The following PTPRT variants were observed in gnomAD, a reference collection of about 807,000 sequenced individuals.
The protein encoded by PTPRT is protein tyrosine phosphatase receptor type T.
A neutral mutation model predicts 176.8 loss-of-function variants in PTPRT; 56 were observed. That is an observed-to-expected ratio of 0.32 (90% CI 0.26 to 0.40). PTPRT has a LOEUF of 0.40. Ranked by LOEUF, PTPRT falls within the 10% of genes least tolerant of loss-of-function variation. The pLI is 1.00. For synonymous variants in PTPRT, 783 were observed against 739.0 expected (o/e 1.06, Z -0.96); for missense variants, 1,540 against 1,908.2 (o/e 0.81, Z 3.60).
At chr20:42,332,419 C>A (rs1274014237) in intron 11 of PTPRT, among the ~76,000 whole-genome samples, 1 of 151,924 alleles carries the variant, frequency 6.6e-6, no homozygotes, top group African/African-American at 2.4e-5. Flanking sequence ...ACCGTGTTAG[C>A]CAGGATGGCC....
At chr20:43,129,329 C>G (rs1572925) in intron 1 of PTPRT, among the ~76,000 whole-genome samples, 49,356 of 152,080 alleles carry the variant, frequency 0.32, 8,889 homozygotes, top group East Asian at 0.79. Context: ...CACCAAGCCA[C>G]GAGGACAAGA....
rs572997630 is a variant in PTPRT, at chr20:42,273,155, G to A, written c.2176+9334C>T. On this transcript the variant is annotated intron_variant, in intron 13 of 30. Coordinates refer to ENST00000373187, the MANE Select transcript of PTPRT (RefSeq NM_007050.6). ...TCTTACAAGCCAGGTATTATATTAAGTACTTTCGATACATTTTCTCATGAA... is the reference window on the plus strand; with the variant it reads ...TCTTACAAGCCAGGTATTATATTAAATACTTTCGATACATTTTCTCATGAA... 2.6e-5 allele frequency among the ~76,000 whole-genome samples: 4 copies of A among 152,244 alleles called. No homozygotes were observed. The East Asian group carries it at 7.7e-4, about 29-fold the overall frequency.
chr20:42,998,408 A>G (rs1185696664), intron 1 of PTPRT, among the ~76,000 whole-genome samples: 2 of 152,174 alleles, frequency 1.3e-5, no homozygotes, highest in Admixed American at 1.3e-4. Context: ...TTAAATAAAC[A>G]AAACGACATA....
intron 9 of PTPRT, among the ~76,000 whole-genome samples, chr20:42,359,986 C>T (rs1290243839): frequency 6.6e-6 from 1 of 152,196 alleles, no homozygotes; most frequent in Non-Finnish European, 1.5e-5. Context: ...TTGCTGATTT[C>T]CAATCAATGC....
intron 1 of PTPRT, among the ~76,000 whole-genome samples, chr20:43,071,061 G>A (rs2011174161): frequency 6.6e-6 from 1 of 151,994 alleles, no homozygotes; most frequent in Non-Finnish European, 1.5e-5. Flanking sequence ...CAACACAAGG[G>A]TATGGTGATG....
intron 1 of PTPRT, among the ~76,000 whole-genome samples, chr20:43,115,885 C>T (rs900418645): frequency 6.6e-6 from 1 of 152,220 alleles, no homozygotes; most frequent in African/African-American, 2.4e-5. Context: ...AATCCCCTTG[C>T]ACAGCACTGC....
intron 13 of PTPRT, among the ~76,000 whole-genome samples, chr20:42,259,201 T>C (rs903560593): frequency 1.3e-5 from 2 of 152,230 alleles, no homozygotes; most frequent in African/African-American, 2.4e-5. Context: ...GTAAATGCTC[T>C]GTGTAGGTCA....
At position 42,469,273 on chromosome 20, in the gene PTPRT, G is replaced by A. The variant is rs369523963; in HGVS notation, c.1450+2993C>T. Reference sequence around the variant, plus strand: ...GGCTGGAGTGCAGTGGCGCGATCTCGGCTCACTGCAACCTCCGCCTCCCAG... The same window carrying A: ...GGCTGGAGTGCAGTGGCGCGATCTCAGCTCACTGCAACCTCCGCCTCCCAG... On this transcript the variant is annotated intron_variant, in intron 8 of 30. Coordinates refer to ENST00000373187, the MANE Select transcript of PTPRT (RefSeq NM_007050.6). Among the ~76,000 whole-genome samples, 448 of 151,924 alleles carry A rather than the reference G, an allele frequency of 2.9e-3. 18 individuals are homozygous for A. In the South Asian group the frequency reaches 0.085, roughly 29 times the overall value.
intron 16 of PTPRT, among the ~76,000 whole-genome samples, chr20:42,197,911 T>C (rs748829358): frequency 6.6e-6 from 1 of 152,196 alleles, no homozygotes; most frequent in East Asian, 1.9e-4. Flanking sequence ...AGTACATCAG[T>C]ATCTAAGCAT....
At chr20:42,376,249 G>T (rs915079973) in intron 9 of PTPRT, among the ~76,000 whole-genome samples, 17 of 152,310 alleles carry the variant, frequency 1.1e-4, no homozygotes, top group Middle Eastern at 3.4e-3. Context: ...TTCTACAGTT[G>T]ATTCAGTACA....
intron 6 of PTPRT, among the ~76,000 whole-genome samples, chr20:42,722,936 C>T (rs186279598): frequency 5.6e-4 from 85 of 152,272 alleles, no homozygotes; most frequent in African/African-American, 2.0e-3. Flanking sequence ...AGGTGGTAAA[C>T]ATTAGTGGAT....
At chr20:42,546,215 TCA>T (rs780167069) in intron 7 of PTPRT, among the ~76,000 whole-genome samples, 2 of 152,172 alleles carry the variant, frequency 1.3e-5, no homozygotes, top group Non-Finnish European at 2.9e-5. Context: ...TACAGCAGAT[TCA>T]CAGAGACTCC....
chr20:42,955,486 C>T (rs934366460), intron 1 of PTPRT, among the ~76,000 whole-genome samples: 4 of 152,170 alleles, frequency 2.6e-5, no homozygotes, highest in African/African-American at 9.7e-5. Flanking sequence ...TAAGTGCATG[C>T]CTGAGGCCTC....
intron 15 of PTPRT, among the ~76,000 whole-genome samples, chr20:42,204,793 T>C (rs2055411028): frequency 2.0e-5 from 3 of 151,554 alleles, no homozygotes; most frequent in Admixed American, 2.0e-4. Flanking sequence ...GGGAGAGGAA[T>C]GAAGGGCTGT....
rs979368237 is a variant in PTPRT, at chr20:42,434,487, C to A, written c.1560+13733G>T. ...AGTATAAACTCACTGGTCACTGGAA[C>A]CTCATATAGTCTATTAGAGATTATT... On this transcript the variant is annotated intron_variant, in intron 9 of 30. Coordinates refer to ENST00000373187, the MANE Select transcript of PTPRT (RefSeq NM_007050.6). Among the ~76,000 whole-genome samples the A allele has an allele frequency of 2.6e-5, 4 of 152,124 alleles. No homozygotes were observed. The East Asian group carries it at 5.8e-4, about 22-fold the overall frequency.
intron 5 of PTPRT, among the ~76,000 whole-genome samples, chr20:42,764,654 G>A (rs1035179138): frequency 6.6e-6 from 1 of 152,092 alleles, no homozygotes; most frequent in Non-Finnish European, 1.5e-5. Context: ...GTGTAATTCC[G>A]AGGATGTCAT....
At chr20:42,196,655 C>A (rs1991228441) in intron 16 of PTPRT, among the ~76,000 whole-genome samples, 1 of 152,086 alleles carries the variant, frequency 6.6e-6, no homozygotes, top group African/African-American at 2.4e-5. Context: ...AAGGAAAAAT[C>A]AAGCCCATTT....
At chr20:42,769,051 A>G (rs2077025159) in intron 5 of PTPRT, among the ~76,000 whole-genome samples, 2 of 152,218 alleles carry the variant, frequency 1.3e-5, no homozygotes, top group Admixed American at 1.3e-4. Flanking sequence ...GCAGCCTAAT[A>G]CACTTGAACA....
intron 1 of PTPRT, among the ~76,000 whole-genome samples, chr20:43,049,509 T>G (rs1986968938): frequency 6.6e-6 from 1 of 152,136 alleles, no homozygotes; most frequent in Non-Finnish European, 1.5e-5. Flanking sequence ...TAAAACCTGA[T>G]TATCATCTTC....
Sources: gnomAD v4.1 joint callset for allele counts (sites outside exome capture counted in the v4.1 genomes callset) on GRCh38, gnomAD v4.1.1 for gene constraint, MANE v1.5 for transcripts, NCBI Gene and HGNC (gene_info 2026-07-23, HGNC 2026-07-21) for gene names.